Variants in DTD1 observed in about 807,000 individuals in gnomAD.
The protein encoded by DTD1 is D-aminoacyl-tRNA deacylase 1.
DTD1 carries 13 observed loss-of-function variants against 25.6 expected under a neutral mutation model. The ratio of observed to expected loss-of-function variants is 0.51; its 90% CI spans 0.33 to 0.81. The LOEUF is 0.81. DTD1 is among the 30% of genes least tolerant of loss of function. The pLI is 0.02. For synonymous variants in DTD1, 110 were observed against 103.6 expected (o/e 1.06, Z -0.37); for missense variants, 193 against 266.4 (o/e 0.72, Z 1.92).
intron 4 of DTD1, among the ~76,000 whole-genome samples, chr20:18,728,497 G>A (rs1440643222): frequency 6.6e-6 from 1 of 152,196 alleles, no homozygotes; most frequent in Non-Finnish European, 1.5e-5. Flanking sequence ...GTGGGGTCTG[G>A]GAGTCTGCAT....
intron 4 of DTD1, among the ~76,000 whole-genome samples, chr20:18,647,940 G>A (rs1340677378): frequency 1.3e-5 from 2 of 152,138 alleles, no homozygotes; most frequent in African/African-American, 2.4e-5. Context: ...GGAGAGTGGT[G>A]TCATCAACCT....
chr20:18,760,133 C>T lies in DTD1; in HGVS notation c.*20-3227C>T, dbSNP rs546706906. Among the ~76,000 whole-genome samples the T allele has an allele frequency of 7.2e-5, 11 of 152,240 alleles. No homozygotes were observed. In the South Asian group the frequency reaches 8.3e-4, roughly 11 times the overall value. ...GCATTGGTTATTCTAGTTAGCCATT[C>T]GTCTAATCTTTTTTCAAGGTTTTTA... On this transcript the variant is annotated intron_variant, in intron 5 of 5. Coordinates refer to ENST00000377452, the MANE Select transcript of DTD1 (RefSeq NM_080820.6).
chr20:18,655,456 ATACT>A (rs1387438391), intron 4 of DTD1, among the ~76,000 whole-genome samples: 2 of 152,200 alleles, frequency 1.3e-5, no homozygotes, highest in Non-Finnish European at 2.9e-5. Flanking sequence ...TTTTTCTGAA[ATACT>A]TACTTTTAAA....
intron 4 of DTD1, among the ~76,000 whole-genome samples, chr20:18,738,341 G>C (rs1449617551): frequency 1.3e-5 from 2 of 152,200 alleles, no homozygotes; most frequent in Non-Finnish European, 2.9e-5. Flanking sequence ...TGGGCATGTG[G>C]TGTAAGATTT....
intron 3 of DTD1, among the ~76,000 whole-genome samples, chr20:18,618,236 A>C (rs891922271): frequency 2.0e-5 from 3 of 152,138 alleles, no homozygotes; most frequent in African/African-American, 7.2e-5. Context: ...CATCTGATAG[A>C]TATCCCATTG....
intron 4 of DTD1, among the ~76,000 whole-genome samples, chr20:18,682,267 C>T (rs1013021364): frequency 2.6e-5 from 4 of 152,228 alleles, no homozygotes; most frequent in African/African-American, 9.7e-5. Context: ...CATCAGGCCA[C>T]TACTCTGAGG....
intron 4 of DTD1, among the ~76,000 whole-genome samples, chr20:18,649,188 G>C (rs1206384498): frequency 6.6e-6 from 1 of 151,796 alleles, no homozygotes; most frequent in Non-Finnish European, 1.5e-5. Flanking sequence ...TGATGAGTCA[G>C]GAGGGACTGT....
chr20:18,593,247 G>T (rs1336273850), intron 1 of DTD1, among the ~76,000 whole-genome samples: 1 of 152,154 alleles, frequency 6.6e-6, no homozygotes, highest in Non-Finnish European at 1.5e-5. Flanking sequence ...TGTCCTCATA[G>T]TAAGTAGGAA....
At chr20:18,661,076 G>C (rs751393334) in intron 4 of DTD1, among the ~76,000 whole-genome samples, 1 of 152,130 alleles carries the variant, frequency 6.6e-6, no homozygotes, top group Non-Finnish European at 1.5e-5. Flanking sequence ...TGGTCTGTTT[G>C]TGGGCTCTGT....
intron 5 of DTD1, among the ~76,000 whole-genome samples, chr20:18,756,329 A>G (rs1348118985): frequency 6.6e-6 from 1 of 152,054 alleles, no homozygotes; most frequent in Non-Finnish European, 1.5e-5. Context: ...GGTGTTTTAG[A>G]CATGAAGTCC....
chr20:18,619,797 T>A (rs1350423126), intron 3 of DTD1, among the ~76,000 whole-genome samples: 1 of 152,236 alleles, frequency 6.6e-6, no homozygotes, highest in Non-Finnish European at 1.5e-5. Context: ...CCCATATAAA[T>A]GTAAAGCATG....
chr20:18,719,605 T>C, intron 4 of DTD1, among the ~76,000 whole-genome samples: 1 of 152,242 alleles, frequency 6.6e-6, no homozygotes, highest in East Asian at 1.9e-4. Context: ...CAGCTCTTTC[T>C]CCAGATGAAG....
At chr20:18,639,839 C>T (rs2060821638) in intron 4 of DTD1, among the ~76,000 whole-genome samples, 1 of 152,062 alleles carries the variant, frequency 6.6e-6, no homozygotes, top group Non-Finnish European at 1.5e-5. Context: ...TCCACTTCTC[C>T]TTTGCTAAGT....
chr20:18,745,039 C>T (rs2061294731), intron 5 of DTD1, among the ~76,000 whole-genome samples: 1 of 152,194 alleles, frequency 6.6e-6, no homozygotes, highest in African/African-American at 2.4e-5. Context: ...GCAGAACACT[C>T]ACTCACCGAT....
intron 4 of DTD1, among the ~76,000 whole-genome samples, chr20:18,739,591 A>C (rs1449960998): frequency 1.3e-5 from 2 of 152,138 alleles, no homozygotes; most frequent in African/African-American, 2.4e-5. Context: ...GAAGTACTCT[A>C]TTTCAGTGTT....
At chr20:18,744,995 G>C (rs1432238201) in intron 5 of DTD1, among the ~76,000 whole-genome samples, 1 of 152,212 alleles carries the variant, frequency 6.6e-6, no homozygotes, top group Admixed American at 6.5e-5. Context: ...CTGGCTGCCT[G>C]TGCCAGTCCA....
intron 4 of DTD1, chr20:18,698,837 C>T (rs2061090571): frequency 6.6e-6 from 1 of 152,216 alleles, no homozygotes; most frequent in Non-Finnish European, 1.5e-5. Flanking sequence ...AGTTCCGAGG[C>T]CCGAGCCCAG....
At chr20:18,648,515 G>A (rs2060858735) in intron 4 of DTD1, among the ~76,000 whole-genome samples, 1 of 152,102 alleles carries the variant, frequency 6.6e-6, no homozygotes, top group Non-Finnish European at 1.5e-5. Context: ...GCATTTTCAG[G>A]TCTCAGTGTA....
At chr20:18,612,156 T>C (rs2060689657) in intron 3 of DTD1, among the ~76,000 whole-genome samples, 1 of 144,938 alleles carries the variant, frequency 6.9e-6, no homozygotes, top group African/African-American at 2.5e-5. Flanking sequence ...TGCCTCAGCC[T>C]CCCAAGTAGC....
Sources: allele counts gnomAD v4.1 joint callset (sites outside exome capture counted in the v4.1 genomes callset), GRCh38; gene constraint gnomAD v4.1.1; transcripts MANE v1.5; gene names NCBI Gene and HGNC (gene_info 2026-07-23, HGNC 2026-07-21).